The following MLIP variants were observed in gnomAD, a reference collection of about 807,000 sequenced individuals.
MLIP encodes muscular LMNA interacting protein.
In MLIP, 79 loss-of-function variants were observed where a neutral mutation model predicts 84.8. The ratio of observed to expected loss-of-function variants is 0.93; its 90% CI spans 0.78 to 1.12. The LOEUF (loss-of-function observed/expected upper bound fraction) is 1.12, where lower values mean the gene tolerates loss of function less well. MLIP is among the 50% of genes most tolerant of loss of function. MLIP has a pLI of 0.00. For missense variants in MLIP, 1,257 were observed against 1,160.6 expected (o/e 1.08, Z -1.21); for synonymous variants, 504 against 463.0 (o/e 1.09, Z -1.14).
At chr6:54,045,011 T>G (rs1561888327) in intron 1 of MLIP, among the ~76,000 whole-genome samples, 2 of 152,232 alleles carry the variant, frequency 1.3e-5, no homozygotes, top group Non-Finnish European at 2.9e-5. Flanking sequence ...ATTTAAAACT[T>G]GGCTTCAAAT....
At chr6:54,158,003 A>G (rs541151931) in intron 5 of MLIP, among the ~76,000 whole-genome samples, 1 of 152,264 alleles carries the variant, frequency 6.6e-6, no homozygotes, top group East Asian at 1.9e-4. Context: ...CTATTAAAAC[A>G]TGGGATGGTA....
chr6:54,204,758 T>A (rs765268162), intron 11 of MLIP, among the ~76,000 whole-genome samples: 10 of 152,328 alleles, frequency 6.6e-5, no homozygotes, highest in Non-Finnish European at 1.0e-4. Flanking sequence ...TTAAAGCTCT[T>A]TTTACATTAC....
chr6:54,199,226 T>C (rs1318235626), intron 10 of MLIP, among the ~76,000 whole-genome samples: 1 of 152,156 alleles, frequency 6.6e-6, no homozygotes. Context: ...ATCTATTCTA[T>C]GATGTCTCTC....
At chr6:54,236,438 T>C (rs1781365846) in intron 12 of MLIP, among the ~76,000 whole-genome samples, 1 of 152,024 alleles carries the variant, frequency 6.6e-6, no homozygotes, top group South Asian at 2.1e-4. Context: ...ACGTCTCTAC[T>C]AAAAATACAA....
chr6:54,256,220 A>G (rs1782995298), intron 12 of MLIP, among the ~76,000 whole-genome samples: 1 of 152,182 alleles, frequency 6.6e-6, no homozygotes, highest in South Asian at 2.1e-4. Flanking sequence ...AACTGGCTCC[A>G]TTCTTGAATG....
At chr6:54,184,445 A>T (rs1408701956) in intron 9 of MLIP, among the ~76,000 whole-genome samples, 1 of 152,180 alleles carries the variant, frequency 6.6e-6, no homozygotes, top group Non-Finnish European at 1.5e-5. Flanking sequence ...CCAAAGGGAT[A>T]CCTGTCATGA....
intron 9 of MLIP, among the ~76,000 whole-genome samples, chr6:54,174,784 G>A (rs1015227795): frequency 1.3e-5 from 2 of 151,740 alleles, no homozygotes; most frequent in African/African-American, 4.8e-5. Context: ...TGCTTTGATT[G>A]CCGGTGCTTG....
Position 54,124,729 on chromosome 6 carries a change from T to C in MLIP, c.509T>C (p.Val170Ala), listed in dbSNP as rs1770767354. The C allele has an allele frequency of 1.2e-6, 2 of 1,614,174 alleles. No homozygotes were observed. The highest frequency in any genetic ancestry group is 2.2e-5 in the East Asian group (1 of 44,864). The change falls in exon 3 of 14, where the codon GTC becomes GCC. Residue 170 changes from valine (V) to alanine (A), a missense_variant. By Grantham distance (64) the Val-to-Ala change is moderately conservative. Coordinates refer to ENST00000502396, the MANE Select transcript of MLIP (RefSeq NM_001281747.2). The stretch of plus-strand genomic sequence containing the variant: ...CCAGGGGGGATTGGCACCGCAGCTG[T>C]CCGGCCCAAGTCTCTAGCTATCTCG... ...GPPGGIGTAA[V>A]RPKSLAISSS...
intron 1 of MLIP, among the ~76,000 whole-genome samples, chr6:54,114,183 G>A (rs191263059): frequency 6.6e-6 from 1 of 152,220 alleles, no homozygotes; most frequent in East Asian, 1.9e-4. Flanking sequence ...GTAGGGTTTG[G>A]CCTTAAGCCT....
At chr6:54,058,955 A>T (rs1320163468) in intron 1 of MLIP, 1 of 152,204 alleles carries the variant, frequency 6.6e-6, no homozygotes, top group Non-Finnish European at 1.5e-5. Flanking sequence ...TCAAGCTTAA[A>T]GCTCCGTAGT....
intron 1 of MLIP, among the ~76,000 whole-genome samples, chr6:54,105,729 A>C (rs116760222): frequency 1.6e-3 from 240 of 152,196 alleles, no homozygotes; most frequent in African/African-American, 5.5e-3. Flanking sequence ...TTTCACTGTT[A>C]ATGTGATATT....
At chr6:54,173,240 T>C (rs1017721407) in intron 9 of MLIP, among the ~76,000 whole-genome samples, 3 of 151,836 alleles carry the variant, frequency 2.0e-5, no homozygotes, top group Middle Eastern at 3.4e-3. Context: ...ATTTTCTTCA[T>C]GTCAAAGTTT....
At position 54,137,346 on chromosome 6, in the gene MLIP, C is replaced by G. The variant is rs889634484; in HGVS notation, c.1277C>G (p.Ser426Cys). 6.5e-7 allele frequency: 1 copy of G among 1,535,966 alleles called. No homozygotes were observed. The highest frequency in any genetic ancestry group is 8.7e-7 in the Non-Finnish European group (1 of 1,146,902). Residue 426 changes from serine (S) to cysteine (C), a missense_variant, in exon 4 of 14, where the codon TCC (serine) becomes TGC (cysteine). Ser to Cys is a moderately radical substitution (Grantham distance 112). Transcript: ENST00000502396. ...ACTGCCATTCTCAAGTCAAACCCTT[C>G]CCACCAAAGACCCTTTTCCCCTGCA... ...LLTAILKSNP[S>C]HQRPFSPASC...
intron 8 of MLIP, among the ~76,000 whole-genome samples, chr6:54,164,990 G>A (rs555444713): frequency 6.6e-6 from 1 of 152,024 alleles, no homozygotes; most frequent in Admixed American, 6.6e-5. Context: ...GAGTGGAATA[G>A]AGGAAACATT....
At chr6:54,196,377 T>C (rs575493969) in intron 10 of MLIP, among the ~76,000 whole-genome samples, 2 of 152,200 alleles carry the variant, frequency 1.3e-5, no homozygotes, top group African/African-American at 4.8e-5. Context: ...TGTTGTTCCC[T>C]AACATGTGTT....
intron 1 of MLIP, among the ~76,000 whole-genome samples, chr6:54,100,670 T>A (rs1460198713): frequency 6.6e-6 from 1 of 152,158 alleles, no homozygotes; most frequent in African/African-American, 2.4e-5. Context: ...CACGTAGCAC[T>A]GTCTTATTTT....
chr6:54,228,327 A>G (rs2150795165), intron 11 of MLIP, among the ~76,000 whole-genome samples: 1 of 152,336 alleles, frequency 6.6e-6, no homozygotes, highest in South Asian at 2.1e-4. Flanking sequence ...ATAGAAGGCA[A>G]TTAGCACAGA....
chr6:54,152,196 A>T (rs1481488265), intron 5 of MLIP, among the ~76,000 whole-genome samples: 1 of 152,170 alleles, frequency 6.6e-6, no homozygotes, highest in Non-Finnish European at 1.5e-5. Flanking sequence ...ATCTTCTCCA[A>T]GAATGACATG....
intron 3 of MLIP, among the ~76,000 whole-genome samples, chr6:54,134,588 T>A (rs1183057145): frequency 6.6e-6 from 1 of 151,970 alleles, no homozygotes; most frequent in Non-Finnish European, 1.5e-5. Context: ...TTCTGAGATA[T>A]TTATATTAGG....
Sources: allele counts gnomAD v4.1 joint callset (sites outside exome capture counted in the v4.1 genomes callset), GRCh38; gene constraint gnomAD v4.1.1; transcripts MANE v1.5; gene names NCBI Gene and HGNC (gene_info 2026-07-23, HGNC 2026-07-21).